VRK2: variants seen among roughly 807,000 people sequenced by gnomAD.
The protein encoded by VRK2 is serine/threonine-protein kinase VRK2.
VRK2 carries 60 observed loss-of-function variants against 57.6 expected under a neutral mutation model. The ratio of observed to expected loss-of-function variants is 1.04; its 90% CI spans 0.85 to 1.29. VRK2 has a LOEUF of 1.29. VRK2 is among the 50% of genes most tolerant of loss of function. The pLI is 0.00. For synonymous variants in VRK2, 231 were observed against 199.2 expected, an observed-to-expected ratio of 1.16 and a Z score of -1.35; for missense variants, 705 against 588.1, an observed-to-expected ratio of 1.20 and a Z score of -2.06.
chr2:58,080,740 A>G (rs1670744696), intron 2 of VRK2, among the ~76,000 whole-genome samples: 1 of 151,610 alleles, frequency 6.6e-6, no homozygotes, highest in South Asian at 2.1e-4. Flanking sequence ...GCATCACTAG[A>G]TTCTAGGTTT....
At chr2:58,023,971 G>A (rs1180678044) in intron 1 of VRK2, among the ~76,000 whole-genome samples, 1 of 150,412 alleles carries the variant, frequency 6.6e-6, no homozygotes, top group Non-Finnish European at 1.5e-5. Flanking sequence ...ATAACTAGTT[G>A]GTAAGAATTT....
intron 2 of VRK2, among the ~76,000 whole-genome samples, chr2:58,067,961 G>A (rs990588426): frequency 1.4e-5 from 2 of 145,832 alleles, no homozygotes. Flanking sequence ...ACAGAGTATC[G>A]CTTTGTCACC....
intron 2 of VRK2, among the ~76,000 whole-genome samples, chr2:58,028,128 C>T (rs745761671): frequency 6.6e-6 from 1 of 152,114 alleles, no homozygotes. Context: ...CACCTGGACT[C>T]GCCAGCTATT....
intron 1 of VRK2, among the ~76,000 whole-genome samples, chr2:58,024,270 T>A (rs1038432906): frequency 2.0e-5 from 3 of 152,216 alleles, no homozygotes; most frequent in African/African-American, 7.2e-5. Flanking sequence ...TTTCTGTGAA[T>A]CGGCCTTAGG....
intron 1 of VRK2, among the ~76,000 whole-genome samples, chr2:57,939,131 A>G (rs1378070520): frequency 6.6e-6 from 1 of 152,230 alleles, no homozygotes; most frequent in African/African-American, 2.4e-5. Flanking sequence ...CAGAATGTAT[A>G]CATGCTTGGA....
At chr2:58,043,273 A>T (rs903972110), upstream of VRK2, among the ~76,000 whole-genome samples, 2 of 152,162 alleles carry the variant, frequency 1.3e-5, no homozygotes, top group Admixed American at 6.5e-5. Flanking sequence ...AATGGCCTCA[A>T]AGACTCAGGA....
chr2:58,041,011 C>T (rs1236301045), intron 3 of VRK2: 20 of 984,060 alleles, frequency 2.0e-5, no homozygotes, highest in Non-Finnish European at 2.4e-5. Flanking sequence ...AATCATTCGG[C>T]CAGCTCCTCT....
chr2:57,921,288 A>G (rs200863291), intron 1 of VRK2, among the ~76,000 whole-genome samples: 143 of 31,902 alleles, frequency 4.5e-3, no homozygotes, highest in Middle Eastern at 0.034. Context: ...TTAAGCGCGC[A>G]CACACACACA....
chr2:57,946,384 G>C (rs1412249264), intron 1 of VRK2, among the ~76,000 whole-genome samples: 2 of 151,706 alleles, frequency 1.3e-5, no homozygotes, highest in East Asian at 3.9e-4. Flanking sequence ...TGTAACAATT[G>C]CACATATTAT....
intron 2 of VRK2, among the ~76,000 whole-genome samples, chr2:58,026,506 T>C (rs1673931303): frequency 6.6e-6 from 1 of 152,116 alleles, no homozygotes; most frequent in Non-Finnish European, 1.5e-5. Flanking sequence ...TCCCAAATAA[T>C]GTGGAATTCT....
At chr2:57,986,957 G>A (rs1672614006) in intron 1 of VRK2, among the ~76,000 whole-genome samples, 1 of 151,980 alleles carries the variant, frequency 6.6e-6, no homozygotes, top group African/African-American at 2.4e-5. Flanking sequence ...TTAGATAAAG[G>A]ATAATATTTT....
chr2:58,008,459 G>A (rs1673320930), intron 1 of VRK2, among the ~76,000 whole-genome samples: 1 of 151,802 alleles, frequency 6.6e-6, no homozygotes, highest in African/African-American at 2.4e-5. Context: ...TAATTTAACA[G>A]TTTATTTAAC....
chr2:58,013,109 T>TA (rs1673462745), intron 1 of VRK2, among the ~76,000 whole-genome samples: 2 of 152,230 alleles, frequency 1.3e-5, no homozygotes, highest in South Asian at 4.1e-4. Context: ...TTTAGGTGAA[T>TA]AAAAAAATCA....
At chr2:57,955,501 A>T (rs1468439041) in intron 1 of VRK2, among the ~76,000 whole-genome samples, 4 of 152,196 alleles carry the variant, frequency 2.6e-5, no homozygotes, top group African/African-American at 4.8e-5. Context: ...ATTTTCAAAG[A>T]TATAACACAT....
At chr2:57,944,763 C>T (rs527795637) in intron 1 of VRK2, among the ~76,000 whole-genome samples, 228 of 151,398 alleles carry the variant, frequency 1.5e-3, no homozygotes, top group African/African-American at 5.5e-3. Flanking sequence ...AACATTAATT[C>T]GTTAATTCAT....
At chr2:57,951,776 C>A (rs919339806) in intron 1 of VRK2, among the ~76,000 whole-genome samples, 3 of 152,068 alleles carry the variant, frequency 2.0e-5, no homozygotes, top group Non-Finnish European at 2.9e-5. Flanking sequence ...GAGTTGTGGT[C>A]TCTGTTGCCC....
At chr2:57,933,694 G>A (rs1670814825) in intron 1 of VRK2, among the ~76,000 whole-genome samples, 1 of 151,054 alleles carries the variant, frequency 6.6e-6, no homozygotes, top group South Asian at 2.1e-4. Flanking sequence ...CAGCCATTCT[G>A]TCTTTTGATG....
At chr2:58,049,204 A>G (rs1675338052) in intron 2 of VRK2, among the ~76,000 whole-genome samples, 1 of 152,168 alleles carries the variant, frequency 6.6e-6, no homozygotes, top group South Asian at 2.1e-4. Flanking sequence ...GAGCATAATT[A>G]TACAATCTGC....
upstream of VRK2, among the ~76,000 whole-genome samples, chr2:58,045,805 T>G (rs1674695891): frequency 6.6e-6 from 1 of 152,142 alleles, no homozygotes; most frequent in South Asian, 2.1e-4. Context: ...GTCTAAGCAT[T>G]TGTTTGGTTT....
Sources: gnomAD v4.1 joint callset for allele counts (sites outside exome capture counted in the v4.1 genomes callset) on GRCh38, gnomAD v4.1.1 for gene constraint, MANE v1.5 for transcripts, NCBI Gene and HGNC (gene_info 2026-07-23, HGNC 2026-07-21) for gene names.